CACNA2D3: variants seen among roughly 807,000 people sequenced by gnomAD.
CACNA2D3 encodes calcium voltage-gated channel auxiliary subunit alpha2delta 3.
In CACNA2D3, 60 loss-of-function variants were observed where a neutral mutation model predicts 160.6. The ratio of observed to expected loss-of-function variants is 0.37; its 90% CI spans 0.30 to 0.46. The LOEUF (loss-of-function observed/expected upper bound fraction) is 0.46, where lower values mean the gene tolerates loss of function less well. Among genes scored for constraint, CACNA2D3 ranks in the 20% least tolerant of loss-of-function variants. CACNA2D3 has a pLI of 1.00. For missense variants in CACNA2D3, 1,205 were observed against 1,365.0 expected (o/e 0.88, Z 1.85); for synonymous variants, 558 against 492.9 (o/e 1.13, Z -1.75).
chr3:54,560,483 T>C (rs13340184), intron 5 of CACNA2D3, among the ~76,000 whole-genome samples: 10,845 of 152,226 alleles, frequency 0.071, 1,300 homozygotes, highest in African/African-American at 0.25. Context: ...GATATTAGAC[T>C]TTTGTCAGAT....
intron 9 of CACNA2D3, among the ~76,000 whole-genome samples, chr3:54,604,306 G>A (rs779859057): frequency 6.6e-6 from 1 of 152,174 alleles, no homozygotes; most frequent in African/African-American, 2.4e-5. Context: ...TACAAGTTCA[G>A]GTGGAAGAAG....
At chr3:54,438,148 A>G (rs370835820) in intron 4 of CACNA2D3, among the ~76,000 whole-genome samples, 21 of 152,330 alleles carry the variant, frequency 1.4e-4, no homozygotes, top group African/African-American at 4.1e-4. Flanking sequence ...TATAATTACT[A>G]TAATGCTCTT....
intron 3 of CACNA2D3, among the ~76,000 whole-genome samples, chr3:54,324,931 T>C (rs897474116): frequency 6.7e-5 from 10 of 148,618 alleles, no homozygotes; most frequent in African/African-American, 2.5e-4. Flanking sequence ...CTCTTTGATA[T>C]TGATGGAAGG....
intron 11 of CACNA2D3, among the ~76,000 whole-genome samples, chr3:54,725,024 A>T (rs1213408923): frequency 5.3e-5 from 8 of 152,204 alleles, no homozygotes; most frequent in South Asian, 2.1e-4. Context: ...TCCTAGCCAG[A>T]CTAATAAGAA....
intron 27 of CACNA2D3, among the ~76,000 whole-genome samples, chr3:54,938,648 A>G (rs1701387355): frequency 6.6e-6 from 1 of 151,472 alleles, no homozygotes; most frequent in Admixed American, 6.6e-5. Context: ...ACATCTTGAT[A>G]TAGACTCAGT....
At chr3:54,543,286 A>G (rs1702010432) in intron 5 of CACNA2D3, among the ~76,000 whole-genome samples, 1 of 152,220 alleles carries the variant, frequency 6.6e-6, no homozygotes, top group Non-Finnish European at 1.5e-5. Context: ...CCATCTTAGT[A>G]CAAACAAAAT....
At chr3:54,771,624 T>C (rs1309226725) in intron 13 of CACNA2D3, among the ~76,000 whole-genome samples, 1 of 152,234 alleles carries the variant, frequency 6.6e-6, no homozygotes, top group African/African-American at 2.4e-5. Flanking sequence ...CAATGCTGTT[T>C]GTTTTCCTCC....
At chr3:55,056,429 T>C (rs1423503799) in intron 35 of CACNA2D3, among the ~76,000 whole-genome samples, 1 of 152,190 alleles carries the variant, frequency 6.6e-6, no homozygotes, top group Non-Finnish European at 1.5e-5. Context: ...AGAATTACCG[T>C]AAGTTGTAGC....
At chr3:54,281,813 G>A (rs1219850830) in intron 2 of CACNA2D3, among the ~76,000 whole-genome samples, 6 of 152,174 alleles carry the variant, frequency 3.9e-5, no homozygotes, top group Non-Finnish European at 7.4e-5. Context: ...GTTAAGAATG[G>A]ATGTTCAGTC....
At chr3:55,021,619 G>A (rs533713460) in intron 35 of CACNA2D3, among the ~76,000 whole-genome samples, 30 of 135,952 alleles carry the variant, frequency 2.2e-4, no homozygotes, top group African/African-American at 8.1e-4. Context: ...ATATATATGT[G>A]TGTGTGTATA....
chr3:54,273,523 T>C (rs1702664223), intron 2 of CACNA2D3, among the ~76,000 whole-genome samples: 1 of 152,174 alleles, frequency 6.6e-6, no homozygotes. Context: ...GTGGTCCTAG[T>C]TAACCAGCTT....
chr3:54,571,383 A>C (rs1702494185), intron 8 of CACNA2D3, among the ~76,000 whole-genome samples: 1 of 152,154 alleles, frequency 6.6e-6, no homozygotes, highest in Non-Finnish European at 1.5e-5. Flanking sequence ...ACAGTCTCTC[A>C]GATTAAATTT....
intron 14 of CACNA2D3, among the ~76,000 whole-genome samples, chr3:54,820,992 G>T (rs943532216): frequency 6.6e-6 from 1 of 152,080 alleles, no homozygotes; most frequent in Admixed American, 6.6e-5. Context: ...GAGTGGGCCC[G>T]AATGTTTAAA....
chr3:55,062,579 A>G (rs930714631), intron 35 of CACNA2D3, among the ~76,000 whole-genome samples: 9 of 152,214 alleles, frequency 5.9e-5, no homozygotes, highest in South Asian at 4.1e-4. Flanking sequence ...GATGGAGGAA[A>G]GGAAGACAGT....
At chr3:54,416,094 A>G (rs1368753827) in intron 4 of CACNA2D3, among the ~76,000 whole-genome samples, 3 of 152,258 alleles carry the variant, frequency 2.0e-5, no homozygotes, top group Non-Finnish European at 4.4e-5. Flanking sequence ...ATGTATACAT[A>G]AGGCGAACAG....
In CACNA2D3 at chr3:54,507,172, G is replaced by A. The variant is rs931753696; in HGVS notation, c.544+3518G>A. On this transcript the variant is annotated intron_variant, in intron 5 of 37. Transcript: ENST00000474759. Reference sequence around the variant, plus strand: ...TTCCATTTTCCACCTCTGTCCACCCGGGTGAGACCCTGCTTTTGTTCACTG... The same window carrying A: ...TTCCATTTTCCACCTCTGTCCACCCAGGTGAGACCCTGCTTTTGTTCACTG... Among the ~76,000 whole-genome samples the A allele has an allele frequency of 5.9e-5, 9 of 152,106 alleles. No individual in the cohort carries two copies. The East Asian group carries it at 1.5e-3, about 26-fold the overall frequency.
At chr3:54,453,479 C>T (rs1354258262) in intron 4 of CACNA2D3, among the ~76,000 whole-genome samples, 2 of 150,206 alleles carry the variant, frequency 1.3e-5, no homozygotes, top group African/African-American at 4.9e-5. Flanking sequence ...CACCATCCCT[C>T]TCAGGACTTT....
At position 54,911,351 on chromosome 3, in the gene CACNA2D3, CTT is replaced by C. The variant is rs58289082; in HGVS notation, c.2449+11504_2449+11505del. On this transcript the variant is annotated intron_variant, in intron 27 of 37. Coordinates refer to ENST00000474759, the MANE Select transcript of CACNA2D3 (RefSeq NM_018398.3). Reference sequence around the variant, plus strand: ...CCTCCTCCCCCTCCTTCTTTGTCGTCTTTTTTTTTTTTTTTTTTTTTTAAAGA... The same window carrying C: ...CCTCCTCCCCCTCCTTCTTTGTCGTCTTTTTTTTTTTTTTTTTTTTAAAGA... 7.9e-3 allele frequency among the ~76,000 whole-genome samples: 463 copies of C among 58,562 alleles called. 6 individuals carry two copies. The highest frequency in any genetic ancestry group is 0.054 in the Middle Eastern group (3 of 56). 38.4% of individuals were successfully genotyped at this position (58,562 alleles called of 152,430 possible). A position where few individuals can be genotyped will look rare whatever the true frequency, so the allele number is the denominator to read the frequency against.
At chr3:54,493,819 C>T (rs1215049675) in intron 4 of CACNA2D3, among the ~76,000 whole-genome samples, 1 of 152,230 alleles carries the variant, frequency 6.6e-6, no homozygotes, top group African/African-American at 2.4e-5. Context: ...CACAGCCAGG[C>T]CCGTTTGTAT....
Sources: gnomAD v4.1 joint callset for allele counts (sites outside exome capture counted in the v4.1 genomes callset) on GRCh38, gnomAD v4.1.1 for gene constraint, MANE v1.5 for transcripts, NCBI Gene and HGNC (gene_info 2026-07-23, HGNC 2026-07-21) for gene names.